The following GPAT4 variants were observed in gnomAD, a reference collection of about 807,000 sequenced individuals.
GPAT4 encodes 1-AGP acyltransferase 6.
GPAT4 carries 17 observed loss-of-function variants against 58.0 expected under a neutral mutation model. The ratio of observed to expected loss-of-function variants is 0.29; its 90% CI spans 0.20 to 0.44. The LOEUF (loss-of-function observed/expected upper bound fraction) is 0.44. GPAT4 is among the 20% of genes least tolerant of loss of function. GPAT4 has a pLI of 1.00. For missense variants in GPAT4, 377 were observed against 574.5 expected (o/e 0.66, Z 3.51); for synonymous variants, 204 against 210.1 (o/e 0.97, Z 0.25).
At chr8:41,610,224 T>C (rs1038980252) in intron 4 of GPAT4, 4 of 1,326,472 alleles carry the variant, frequency 3.0e-6, no homozygotes, top group Non-Finnish European at 3.9e-6. Context: ...GAACATTGTG[T>C]GCTTTCTGCC....
chr8:41,599,324 AAGGTTGCTTCACAGAGG>A lies in GPAT4; in HGVS notation c.165+24_165+40del, dbSNP rs1563273025. The A allele has an allele frequency of 6.2e-7, 1 of 1,613,138 alleles. No homozygotes were observed. ...TTTGCGGTAAGTTATGCTGTTACAA[AAGGTTGCTTCACAGAGG>A]AGGGTAGAAGTGCATTTAGCAAAAA... is the stretch of plus-strand genomic sequence containing the variant. On this transcript the variant is annotated intron_variant, in intron 2 of 12. Transcript: ENST00000396987.
chr8:41,606,514 T>C (rs1442534626), intron 2 of GPAT4, among the ~76,000 whole-genome samples: 1 of 152,106 alleles, frequency 6.6e-6, no homozygotes, highest in Non-Finnish European at 1.5e-5. Context: ...AGGGAAAGCA[T>C]CCCCTTTGCC....
In GPAT4 at chr8:41,620,969, G is replaced by A; in HGVS notation, c.1339G>A (p.Val447Met). Residue 447 changes from valine (V) to methionine (M), a missense_variant, in exon 13 of 13, where the codon GTG becomes ATG. Transcript: ENST00000396987. ...GCAGAAGCTGTACAGCAAGATGATC[G>A]TGGGGAACCACAAGGACAGGAGCCG... ...EQQKLYSKMIVGNHKDRSRS is the reference protein window; with the variant it reads ...EQQKLYSKMIMGNHKDRSRS The A allele has an allele frequency of 6.4e-6, 10 of 1,551,508 alleles. No homozygotes were observed. The highest frequency in any genetic ancestry group is 2.4e-5 in the East Asian group (1 of 40,928).
intron 1 of GPAT4, among the ~76,000 whole-genome samples, chr8:41,594,614 C>T (rs575746898): frequency 1.6e-4 from 23 of 148,170 alleles, no homozygotes; most frequent in African/African-American, 5.5e-4. Context: ...GGTCCGATCT[C>T]GGCTCACTGC....
At chr8:41,620,749 A>C in intron 12 of GPAT4, 144 bp from the exon 13 acceptor site, 1 of 1,354,054 alleles carries the variant, frequency 7.4e-7, no homozygotes, top group Non-Finnish European at 9.9e-7. Flanking sequence ...AAATCCCCTG[A>C]GGTTGTCTTG....
At chr8:41,591,142 G>A (rs1357899000) in intron 1 of GPAT4, among the ~76,000 whole-genome samples, 4 of 152,074 alleles carry the variant, frequency 2.6e-5, no homozygotes, top group African/African-American at 4.8e-5. Context: ...CAGGGGGTAC[G>A]TGACTGGGGG....
intron 2 of GPAT4, among the ~76,000 whole-genome samples, chr8:41,607,572 T>C (rs532772460): frequency 6.6e-6 from 1 of 151,240 alleles, no homozygotes; most frequent in Non-Finnish European, 1.5e-5. Context: ...AGGGTCTTGC[T>C]GTATCTCCCA....
chr8:41,614,291 A>C (rs574574060), intron 8 of GPAT4, 95 bp from the exon 9 acceptor site: 3 of 1,069,024 alleles, frequency 2.8e-6, no homozygotes, highest in Non-Finnish European at 4.1e-6. Context: ...TTTATAATCG[A>C]AACTAGTGTC....
At chr8:41,586,073 G>A (rs1229097291) in intron 1 of GPAT4, among the ~76,000 whole-genome samples, 1 of 152,208 alleles carries the variant, frequency 6.6e-6, no homozygotes, top group Non-Finnish European at 1.5e-5. Context: ...AAACGTTTTA[G>A]CTATCACTCT....
chr8:41,594,701 A>G (rs1367133321), intron 1 of GPAT4, among the ~76,000 whole-genome samples: 1 of 151,824 alleles, frequency 6.6e-6, no homozygotes, highest in African/African-American at 2.4e-5. Flanking sequence ...GCCCGCCACC[A>G]CACCTGGCTA....
At chr8:41,617,714 T>G (rs1457758683) in intron 10 of GPAT4, among the ~76,000 whole-genome samples, 1 of 152,134 alleles carries the variant, frequency 6.6e-6, no homozygotes, top group Non-Finnish European at 1.5e-5. Flanking sequence ...GAAAGGGCAT[T>G]TTTGATGTTG....
intron 1 of GPAT4, among the ~76,000 whole-genome samples, chr8:41,589,447 C>T (rs1802736189): frequency 6.6e-6 from 1 of 151,670 alleles, no homozygotes; most frequent in Admixed American, 6.6e-5. Context: ...GTCATGAGTG[C>T]AGACTCTTCC....
intron 5 of GPAT4, among the ~76,000 whole-genome samples, chr8:41,611,084 G>GTC: frequency 6.6e-6 from 1 of 152,322 alleles, no homozygotes; most frequent in Non-Finnish European, 1.5e-5. Flanking sequence ...AAGTTAGCCA[G>GTC]GCACGGTGGC....
intron 2 of GPAT4, among the ~76,000 whole-genome samples, chr8:41,604,958 A>G (rs1463876192): frequency 6.6e-6 from 1 of 152,224 alleles, no homozygotes; most frequent in African/African-American, 2.4e-5. Flanking sequence ...GAAAGAGGTC[A>G]TCCTACCCCC....
In GPAT4 at chr8:41,618,752, A is replaced by T. The variant is rs1225701025; in HGVS notation, c.1122A>T (p.Arg374=). 3.1e-6 allele frequency: 5 copies of T among 1,614,098 alleles called. No individual in the cohort carries two copies. The highest frequency in any genetic ancestry group is 4.2e-6 in the Non-Finnish European group (5 of 1,180,042). The change falls in exon 11 of 13, where the codon CGA becomes CGT. Residue 374 remains arginine, a synonymous_variant. Coordinates refer to ENST00000396987, the MANE Select transcript of GPAT4 (RefSeq NM_178819.4). ...ACGGGATGGTGACGTACCTGCTGCG[A>T]ATGATGACCAGCTGGGCCATTGTCT... ...SKYGMVTYLL[R]MMTSWAIVCS...
intron 4 of GPAT4, chr8:41,610,483 C>A: frequency 7.4e-7 from 1 of 1,342,784 alleles, no homozygotes; most frequent in Admixed American, 3.3e-5. Flanking sequence ...GGTTTTCCAG[C>A]CTTCCAGCTG....
At chr8:41,614,845 A>G in intron 9 of GPAT4, 118 bp from the exon 10 acceptor site, 2 of 793,374 alleles carry the variant, frequency 2.5e-6, no homozygotes, top group Non-Finnish European at 4.1e-6. Flanking sequence ...TGACAGATGT[A>G]TCTTACTGGA....
At chr8:41,617,845 T>G (rs1035903585) in intron 10 of GPAT4, among the ~76,000 whole-genome samples, 4 of 152,194 alleles carry the variant, frequency 2.6e-5, no homozygotes, top group South Asian at 2.1e-4. Flanking sequence ...CTTCAGACAT[T>G]CGCTGGCAGC....
chr8:41,582,326 G>T (rs1802537530), intron 1 of GPAT4, among the ~76,000 whole-genome samples: 1 of 151,998 alleles, frequency 6.6e-6, no homozygotes, highest in Non-Finnish European at 1.5e-5. Flanking sequence ...TGTATTCAGG[G>T]ACACATAGAC....
Sources: gnomAD v4.1 joint callset for allele counts (sites outside exome capture counted in the v4.1 genomes callset) on GRCh38, gnomAD v4.1.1 for gene constraint, MANE v1.5 for transcripts, NCBI Gene and HGNC (gene_info 2026-07-23, HGNC 2026-07-21) for gene names.